NEIL2: variants seen among roughly 807,000 people sequenced by gnomAD.
NEIL2 encodes the protein nei like DNA glycosylase 2, also known as endonuclease 8-like 2.
In NEIL2, 23 loss-of-function variants were observed where a neutral mutation model predicts 22.2. The ratio of observed to expected loss-of-function variants is 1.04; its 90% CI spans 0.75 to 1.47. NEIL2 has a LOEUF of 1.47. NEIL2 is among the 40% of genes most tolerant of loss of function. NEIL2 has a pLI of 0.00. For synonymous variants in NEIL2, 229 were observed against 164.8 expected (o/e 1.39, Z -2.99); for missense variants, 583 against 404.7 (o/e 1.44, Z -3.78).
intron 2 of NEIL2, among the ~76,000 whole-genome samples, chr8:11,772,565 G>A (rs1424389638): frequency 6.6e-6 from 1 of 152,158 alleles, no homozygotes; most frequent in East Asian, 1.9e-4. Context: ...TGTGCTTCCA[G>A]GACATCATGT....
intron 2 of NEIL2, among the ~76,000 whole-genome samples, 160 bp from the exon 3 acceptor site, chr8:11,779,438 C>G (rs1423312476): frequency 6.6e-6 from 1 of 152,164 alleles, no homozygotes; most frequent in African/African-American, 2.4e-5. Context: ...CTGCTCACAC[C>G]ACTGGAGCAA....
intron 2 of NEIL2, among the ~76,000 whole-genome samples, chr8:11,772,070 G>A (rs1803500789): frequency 6.6e-6 from 1 of 152,148 alleles, no homozygotes; most frequent in South Asian, 2.1e-4. Flanking sequence ...GGGTGTGGTG[G>A]TGGGCGCCTG....
intron 3 of NEIL2, 101 bp from the exon 4 acceptor site, chr8:11,783,102 C>T (rs8191639): frequency 0.19 from 181,113 of 935,890 alleles, 19,142 homozygotes; most frequent in Non-Finnish European, 0.23. Flanking sequence ...GTTGTGGTAA[C>T]GATGTGGGGA....
At chr8:11,780,979 G>C (rs551518885) in intron 3 of NEIL2, among the ~76,000 whole-genome samples, 8 of 152,234 alleles carry the variant, frequency 5.3e-5, no homozygotes, top group South Asian at 2.1e-4. Context: ...TCTGTCCTTT[G>C]ATTGTGCTTA....
At position 11,779,764 on chromosome 8, in the gene NEIL2, C is replaced by G. The variant is rs1394373400; in HGVS notation, c.305C>G (p.Ser102Ter). 1.2e-6 allele frequency: 2 copies of G among 1,614,230 alleles called. No individual in the cohort carries two copies. Among genetic ancestry groups the G allele is most frequent in the East Asian group, 4.5e-5 (2 of 44,884 alleles). ...GGGCAGAAGACCCTTGATGGATCCT[C>G]ACGGTCTGCAGAGCTCGTCCCCCAG... ...PSGQKTLDGS[S>*]RSAELVPQGE... The change falls in exon 3 of 5, where the codon TCA (serine) becomes TGA (stop). Residue 102 changes from serine to a stop codon, truncating the protein, a stop_gained. Coordinates refer to ENST00000284503, the MANE Select transcript of NEIL2 (RefSeq NM_145043.4). LOFTEE classifies it high-confidence loss of function.
At chr8:11,785,780 A>T (rs1284281852) in intron 4 of NEIL2, among the ~76,000 whole-genome samples, 183 bp from the exon 5 acceptor site, 2 of 152,154 alleles carry the variant, frequency 1.3e-5, no homozygotes, top group African/African-American at 4.8e-5. Context: ...TCTTCACAGC[A>T]ACCTTAAAGG....
chr8:11,783,699 C>T (rs774011787), intron 4 of NEIL2, among the ~76,000 whole-genome samples: 32 of 152,344 alleles, frequency 2.1e-4, no homozygotes, highest in Middle Eastern at 6.8e-3. Context: ...GTCTCCGGCA[C>T]CTCTGTACCC....
intron 3 of NEIL2, among the ~76,000 whole-genome samples, chr8:11,780,991 G>C (rs913544537): frequency 1.3e-5 from 2 of 152,154 alleles, no homozygotes; most frequent in Non-Finnish European, 2.9e-5. Context: ...TTGTGCTTAT[G>C]ATGTCTCTTG....
chr8:11,777,289 G>C (rs1020972661), intron 2 of NEIL2, among the ~76,000 whole-genome samples: 4 of 151,850 alleles, frequency 2.6e-5, no homozygotes, highest in Non-Finnish European at 4.4e-5. Context: ...CACTGTGCCT[G>C]GCCTAGCCAC....
chr8:11,771,944 C>G (rs1803489086), intron 2 of NEIL2, among the ~76,000 whole-genome samples: 1 of 152,108 alleles, frequency 6.6e-6, no homozygotes, highest in Non-Finnish European at 1.5e-5. Flanking sequence ...GTGGCTCGCA[C>G]CTGTAATCCC....
At chr8:11,785,626 C>T (rs1486162651) in intron 4 of NEIL2, among the ~76,000 whole-genome samples, 2 of 152,204 alleles carry the variant, frequency 1.3e-5, no homozygotes, top group Non-Finnish European at 2.9e-5. Context: ...GATAAGGAAA[C>T]TGCAGCTAAT....
intron 4 of NEIL2, 99 bp downstream of exon 4, chr8:11,783,498 G>C (rs749157158): frequency 6.9e-6 from 7 of 1,013,082 alleles, no homozygotes; most frequent in Non-Finnish European, 1.1e-5. Context: ...AGTTGTGCCA[G>C]TGCTGTTGGT....
chr8:11,785,864 G>A (rs1215993543), intron 4 of NEIL2, 99 bp from the exon 5 acceptor site: 2 of 1,104,362 alleles, frequency 1.8e-6, no homozygotes, highest in African/African-American at 1.5e-5. Context: ...GGTCCCCCAG[G>A]ACATGGAAGA....
At chr8:11,780,299 T>A (rs912661332) in intron 3 of NEIL2, among the ~76,000 whole-genome samples, 1 of 152,214 alleles carries the variant, frequency 6.6e-6, no homozygotes, top group Non-Finnish European at 1.5e-5. Context: ...TTATTTTAAG[T>A]ATATTGTTTG....
chr8:11,777,334 C>T (rs1382465051), intron 2 of NEIL2, among the ~76,000 whole-genome samples: 1 of 152,096 alleles, frequency 6.6e-6, no homozygotes, highest in Non-Finnish European at 1.5e-5. Flanking sequence ...TCTGTTTTCA[C>T]AGTTGTCCCC....
rs768446956 is a variant in NEIL2 at position 11,771,490 on chromosome 8, T to TC, written c.48dup (p.Phe17LeufsTer14). 19 of 1,613,996 alleles carry TC rather than the reference T, an allele frequency of 1.2e-5. No homozygotes were observed. Among genetic ancestry groups the TC allele is most frequent in the Non-Finnish European group, 1.6e-5 (19 of 1,179,998 alleles). ...GGTGAGGAAATTTCACCATTTGGTCTCCCCCTTTGTGGGTCAGCAGGTGGT... is the reference window on the plus strand; with the variant it reads ...GGTGAGGAAATTTCACCATTTGGTCTCCCCCCTTTGTGGGTCAGCAGGTGGT... On this transcript the variant is annotated frameshift_variant, in exon 2 of 5. Transcript: ENST00000284503. LOFTEE classifies it high-confidence loss of function.
chr8:11,779,269 G>A (rs547153171), intron 2 of NEIL2, among the ~76,000 whole-genome samples: 1 of 152,326 alleles, frequency 6.6e-6, no homozygotes, highest in South Asian at 2.1e-4. Flanking sequence ...CGAATGGAAT[G>A]AAGGAATGAC....
chr8:11,774,627 C>G (rs1271365527), intron 2 of NEIL2, among the ~76,000 whole-genome samples: 1 of 152,134 alleles, frequency 6.6e-6, no homozygotes, highest in Non-Finnish European at 1.5e-5. Context: ...TTTAATAGGC[C>G]ACAGTCCAAA....
chr8:11,777,470 A>C (rs1029196536), intron 2 of NEIL2, among the ~76,000 whole-genome samples: 2 of 152,124 alleles, frequency 1.3e-5, no homozygotes, highest in African/African-American at 4.8e-5. Context: ...GTTGTCTAAC[A>C]GTTTCCCTGA....
Sources: gnomAD v4.1 joint callset for allele counts (sites outside exome capture counted in the v4.1 genomes callset) on GRCh38, gnomAD v4.1.1 for gene constraint, MANE v1.5 for transcripts, NCBI Gene and HGNC (gene_info 2026-07-23, HGNC 2026-07-21) for gene names.